OSR1: variants seen among roughly 807,000 people sequenced by gnomAD.
The protein encoded by OSR1 is protein odd-skipped-related 1.
Under a neutral mutation model 15.7 loss-of-function variants are expected in OSR1, and 3 were observed. The ratio of observed to expected loss-of-function variants is 0.19; its 90% confidence interval spans 0.09 to 0.50. The LOEUF is 0.50. OSR1 is among the 20% of genes least tolerant of loss of function. The pLI is 0.97. For synonymous variants in OSR1, 166 were observed against 152.7 expected, an observed-to-expected ratio of 1.09 and a Z score of -0.64; for missense variants, 271 against 351.1, an observed-to-expected ratio of 0.77 and a Z score of 1.82.
In OSR1 at chr2:19,352,095, G is replaced by A. The variant is rs561151445; in HGVS notation, c.*180C>T. On this transcript the variant is annotated 3_prime_UTR_variant, in exon 3 of 3. Transcript: ENST00000272223. ...CCTAGGGGAGCAGCAGGGACGGTCGGGGTCGCGGCCCCGGGCGGGGCTCTG... is the reference window on the plus strand; with the variant it reads ...CCTAGGGGAGCAGCAGGGACGGTCGAGGTCGCGGCCCCGGGCGGGGCTCTG... 2 of 588,780 alleles carry A rather than the reference G, an allele frequency of 3.4e-6. No homozygotes were observed. The highest frequency in any genetic ancestry group is 5.6e-6 in the Non-Finnish European group (2 of 355,902). The allele number at this position is 588,780 out of a possible 1,614,324, so 36.5% of individuals were successfully genotyped here. A position where few individuals can be genotyped will look rare whatever the true frequency, so the allele number is the denominator to read the frequency against.
chr2:19,350,612 C>T (rs935980260), downstream of OSR1, among the ~76,000 whole-genome samples: 1 of 152,136 alleles, frequency 6.6e-6, no homozygotes, highest in Non-Finnish European at 1.5e-5. Context: ...GGAAAGGCCG[C>T]GGGCGCCACC....
rs1287734651 is a variant in OSR1 at position 19,357,506 on chromosome 2, C to T, written c.-33+835G>A. ...TTAGTTCAGCAGGCAGCCCTTCACC[C>T]CTTTCCCCCTTCTTTCTCTCCTGAC... On this transcript the variant is annotated intron_variant, in intron 1 of 2. Coordinates refer to ENST00000272223, the MANE Select transcript of OSR1 (RefSeq NM_145260.3). This position sits in a 1 kb window ranked among gnomAD's most constrained non-coding sequence, Gnocchi z 5.0. 6.6e-6 allele frequency among the ~76,000 whole-genome samples: 1 copy of T among 152,198 alleles called. No individual in the cohort carries two copies. The highest frequency in any genetic ancestry group is 1.5e-5 in the Non-Finnish European group (1 of 68,044).
rs148822996 is a variant in OSR1 at position 19,357,609 on chromosome 2, T to C, written c.-33+732A>G. The stretch of plus-strand genomic sequence containing the variant: ...CCGGAGACCCTAGGGCTCCACAGAG[T>C]TTCCACTAGTGCTGTGTGTGGGTCT... On this transcript the variant is annotated intron_variant, in intron 1 of 2. Transcript: ENST00000272223. The surrounding 1 kb of genome is among the most constrained non-coding windows in gnomAD (Gnocchi z 5.0). The C allele has an allele frequency of 1.3e-5, 2 of 152,160 alleles. No individual in the cohort carries two copies. Among genetic ancestry groups the C allele is most frequent in the African/African-American group, 4.8e-5 (2 of 41,510 alleles). 9.4% of individuals were successfully genotyped at this position (152,160 alleles called of 1,614,324 possible). A position where few individuals can be genotyped will look rare whatever the true frequency, so the allele number is the denominator to read the frequency against.
chr2:19,348,907 G>C (rs527533248), downstream of OSR1, among the ~76,000 whole-genome samples: 86 of 152,280 alleles, frequency 5.6e-4, no homozygotes, highest in African/African-American at 1.9e-3. Context: ...AGCTTCCCCA[G>C]CCGTACACAA....
the OSR1 span, among the ~76,000 whole-genome samples, chr2:19,345,332 CT>C: frequency 6.6e-6 from 1 of 151,894 alleles, no homozygotes; most frequent in East Asian, 1.9e-4. Flanking sequence ...TCAATTTTGG[CT>C]TTTGTTGCCA....
In OSR1 at chr2:19,353,034, G is replaced by A. The variant is rs45543341; in HGVS notation, c.665+107C>T. The A allele has an allele frequency of 5.9e-3, 7,862 of 1,333,126 alleles. 32 individuals carry two copies. Among genetic ancestry groups the A allele is most frequent in the Non-Finnish European group, 6.7e-3 (6,584 of 977,486 alleles). The allele number at this position is 1,333,126 out of a possible 1,614,324, so 82.6% of individuals were successfully genotyped here. A position where few individuals can be genotyped will look rare whatever the true frequency, so the allele number is the denominator to read the frequency against. On this transcript the variant is annotated intron_variant, in intron 2 of 2. Transcript: ENST00000272223. Reference sequence around the variant, plus strand: ...TCTTGATTTTAAAGAATTCCCTGAAGCTCCAGAGGCTTGGAGCCAGTAGGG... The same window carrying A: ...TCTTGATTTTAAAGAATTCCCTGAAACTCCAGAGGCTTGGAGCCAGTAGGG...
rs200422832 is a variant in OSR1, at chr2:19,353,587, C to T, written c.219G>A (p.Pro73=). ...CATCCACCAAGCTGGACACCGTGCC[C>T]GGCACTTTGGAGAAAGAAGAGCGCG... is the stretch of plus-strand genomic sequence containing the variant. ...HLPRSSFSKV[P]GTVSSLVDAR... Residue 73 remains proline (P), a synonymous_variant, in exon 2 of 3, where the codon CCG becomes CCA. Coordinates refer to ENST00000272223, the MANE Select transcript of OSR1 (RefSeq NM_145260.3). 1.6e-5 allele frequency: 26 copies of T among 1,614,174 alleles called. No individual in the cohort carries two copies. Among genetic ancestry groups the T allele is most frequent in the African/African-American group, 2.7e-5 (2 of 75,062 alleles).
downstream of OSR1, among the ~76,000 whole-genome samples, chr2:19,350,841 G>A (rs926017328): frequency 6.6e-6 from 1 of 152,174 alleles, no homozygotes; most frequent in Non-Finnish European, 1.5e-5. Flanking sequence ...AAAATTGTAG[G>A]GAATCTTCGC....
At chr2:19,356,705 G>A (rs927007073) in intron 1 of OSR1, 2 of 152,236 alleles carry the variant, frequency 1.3e-5, no homozygotes, top group African/African-American at 4.8e-5. Context: ...CAGGACCTGC[G>A]GGAAAGAATA....
rs1407054307 is a variant in OSR1 at position 19,358,452 on chromosome 2, C to G, written c.-144G>C. On this transcript the variant is annotated 5_prime_UTR_variant, in exon 1 of 3. Transcript: ENST00000272223. ...AGGCGCCCCTGGAGCTCTAGTGTCC[C>G]GACTCCTCTCCTGCCGCGGGGACTC... 3.3e-5 allele frequency: 5 copies of G among 152,342 alleles called. No individual in the cohort carries two copies. Among genetic ancestry groups the G allele is most frequent in the African/African-American group, 9.6e-5 (4 of 41,456 alleles). The allele number at this position is 152,342 out of a possible 1,614,324, so 9.4% of individuals were successfully genotyped here.
At chr2:19,353,904 T>C in intron 1 of OSR1, 67 bp from the exon 2 acceptor site, 2 of 1,303,958 alleles carry the variant, frequency 1.5e-6, no homozygotes, top group Non-Finnish European at 2.1e-6. Flanking sequence ...GTCGCCTTCC[T>C]CCTGAATTCC....
chr2:19,358,105 G>T (rs2103365482), intron 1 of OSR1, among the ~76,000 whole-genome samples: 1 of 152,370 alleles, frequency 6.6e-6, no homozygotes, highest in African/African-American at 2.4e-5. Context: ...AGTAGCGGAG[G>T]CCCGCCCCCC....
intron 2 of OSR1, among the ~76,000 whole-genome samples, chr2:19,352,688 A>G (rs1363534627): frequency 3.3e-5 from 5 of 152,230 alleles, no homozygotes; most frequent in African/African-American, 9.6e-5. Context: ...TAAGGTCAAC[A>G]CTGAAGATGA....
chr2:19,348,706 C>T (rs1432983429), downstream of OSR1, among the ~76,000 whole-genome samples: 1 of 152,118 alleles, frequency 6.6e-6, no homozygotes, highest in Non-Finnish European at 1.5e-5. Context: ...GGTCCCTAAC[C>T]CCTAACTACA....
chr2:19,352,435 T>A, intron 2 of OSR1, 25 bp from the exon 3 acceptor site: 1 of 1,613,122 alleles, frequency 6.2e-7, no homozygotes, highest in Non-Finnish European at 8.5e-7. Context: ...AGAGAGTTCA[T>A]CCTTGCAAAA....
downstream of OSR1, among the ~76,000 whole-genome samples, chr2:19,347,196 TGA>T (rs748150880): frequency 2.6e-5 from 4 of 152,228 alleles, no homozygotes; most frequent in Non-Finnish European, 5.9e-5. Flanking sequence ...GTCAAAATGC[TGA>T]GAGGCATTTC....
At chr2:19,358,605 GCCGAGCTCCGACTCACTCATCCCTTAGCA>G (rs1277836299) in exon 1 of OSR1, 1 of 152,224 alleles carries the variant, frequency 6.6e-6, no homozygotes, top group Non-Finnish European at 1.5e-5. Context: ...CCGGGGAGAG[GCCGAGCTCCGACTCACTCATCCCTTAGCA>G]CCGAGCCGCC....
chr2:19,348,597 T>G (rs1203574987), downstream of OSR1: 2 of 154,114 alleles, frequency 1.3e-5, no homozygotes, highest in African/African-American at 4.8e-5. Flanking sequence ...GGAGCTGAGG[T>G]CACGTCAGGG....
chr2:19,356,644 TG>T (rs1360643869), intron 1 of OSR1: 2 of 152,330 alleles, frequency 1.3e-5, no homozygotes, highest in Admixed American at 6.5e-5. Flanking sequence ...AAACACAGGA[TG>T]GAAAACCCTT....
Sources: gnomAD v4.1 joint callset for allele counts (sites outside exome capture counted in the v4.1 genomes callset) on GRCh38, gnomAD v4.1.1 for gene constraint, Gnocchi (gnomAD v3.1) non-coding constraint, MANE v1.5 for transcripts, NCBI Gene and HGNC (gene_info 2026-07-23, HGNC 2026-07-21) for gene names.